The following SH3RF3 variants were observed in gnomAD, a reference collection of about 807,000 sequenced individuals.
The protein encoded by SH3RF3 is SH3 domain containing ring finger 3, also known as E3 ubiquitin-protein ligase SH3RF3.
SH3RF3 carries 29 observed loss-of-function variants against 66.3 expected under a neutral mutation model. The ratio of observed to expected loss-of-function variants is 0.44; its 90% confidence interval spans 0.33 to 0.60. The LOEUF is 0.60. SH3RF3 is among the 20% of genes least tolerant of loss of function. SH3RF3 has a pLI of 0.04. For missense variants in SH3RF3, 1,194 were observed against 1,190.9 expected, an observed-to-expected ratio of 1.00 and a Z score of -0.04; for synonymous variants, 583 against 532.0, an observed-to-expected ratio of 1.10 and a Z score of -1.32.
chr2:109,388,084 C>T (rs1006540347), intron 3 of SH3RF3, among the ~76,000 whole-genome samples: 1 of 152,090 alleles, frequency 6.6e-6, no homozygotes, highest in Non-Finnish European at 1.5e-5. Context: ...GACCCCTGTG[C>T]ACACACATGC....
intron 3 of SH3RF3, among the ~76,000 whole-genome samples, chr2:109,395,878 AT>A (rs1162752942): frequency 6.6e-6 from 1 of 152,158 alleles, no homozygotes; most frequent in Non-Finnish European, 1.5e-5. Flanking sequence ...GGATTTCCTG[AT>A]TTTGAAAACA....
At chr2:109,497,874 A>C (rs1017089462) in intron 9 of SH3RF3, among the ~76,000 whole-genome samples, 1 of 152,256 alleles carries the variant, frequency 6.6e-6, no homozygotes, top group Non-Finnish European at 1.5e-5. Context: ...TTGCATTCAA[A>C]GTCTGAGAAA....
chr2:109,423,884 C>T (rs925253419), intron 5 of SH3RF3, among the ~76,000 whole-genome samples: 15 of 152,218 alleles, frequency 9.9e-5, no homozygotes, highest in African/African-American at 2.4e-4. Flanking sequence ...GAGGGCACAG[C>T]TGGGACCCCA....
At chr2:109,367,459 T>A (rs1683173606) in intron 2 of SH3RF3, among the ~76,000 whole-genome samples, 1 of 151,988 alleles carries the variant, frequency 6.6e-6, no homozygotes, top group African/African-American at 2.4e-5. Flanking sequence ...TTGTTGTATT[T>A]TTAATAGAAA....
chr2:109,318,151 A>C (rs1419901461), intron 1 of SH3RF3, among the ~76,000 whole-genome samples: 1 of 151,718 alleles, frequency 6.6e-6, no homozygotes, highest in East Asian at 1.9e-4. Flanking sequence ...GGACATTGAG[A>C]GACTAGAAAT....
At chr2:109,381,224 A>G (rs2104379498) in intron 3 of SH3RF3, among the ~76,000 whole-genome samples, 1 of 152,354 alleles carries the variant, frequency 6.6e-6, no homozygotes, top group African/African-American at 2.4e-5. Context: ...GCCCTGGAGC[A>G]GGCTGCTGGA....
chr2:109,316,337 G>A (rs966460143), intron 1 of SH3RF3, among the ~76,000 whole-genome samples: 4 of 152,170 alleles, frequency 2.6e-5, no homozygotes, highest in African/African-American at 4.8e-5. Context: ...GTTGCCAGGT[G>A]ATGGTGGCTG....
intron 1 of SH3RF3, among the ~76,000 whole-genome samples, chr2:109,221,837 C>T (rs1384699418): frequency 6.6e-6 from 1 of 152,002 alleles, no homozygotes; most frequent in Non-Finnish European, 1.5e-5. Context: ...TCATATGATC[C>T]AACAATCCCA....
At chr2:109,297,785 C>T (rs73955512) in intron 1 of SH3RF3, among the ~76,000 whole-genome samples, 1,591 of 152,052 alleles carry the variant, frequency 0.01, 32 homozygotes, top group African/African-American at 0.036. Context: ...GTCATTGCCC[C>T]CAACTAGGTC....
At chr2:109,469,605 G>A (rs1678449719) in intron 8 of SH3RF3, among the ~76,000 whole-genome samples, 1 of 152,160 alleles carries the variant, frequency 6.6e-6, no homozygotes, top group Admixed American at 6.6e-5. Context: ...GGCAATGGGA[G>A]CTGGGCCCCA....
intron 8 of SH3RF3, among the ~76,000 whole-genome samples, chr2:109,466,072 C>CTTTTTTTTTTTTT (rs1171998206): frequency 1.2e-5 from 1 of 82,336 alleles, no homozygotes; most frequent in Non-Finnish European, 2.2e-5. Flanking sequence ...ACCTGTACAT[C>CTTTTTTTTTTTTT]TTTTTTTTTT....
chr2:109,316,898 C>T (rs1366302421), intron 1 of SH3RF3, among the ~76,000 whole-genome samples: 1 of 152,220 alleles, frequency 6.6e-6, no homozygotes, highest in Admixed American at 6.5e-5. Flanking sequence ...TGGAAGTATA[C>T]AGTGCGTAGC....
intron 1 of SH3RF3, among the ~76,000 whole-genome samples, chr2:109,329,808 C>T (rs1682244335): frequency 6.6e-6 from 1 of 152,234 alleles, no homozygotes; most frequent in Non-Finnish European, 1.5e-5. Flanking sequence ...AGCCCACCTT[C>T]AACCCAGCTT....
At position 109,129,339 on chromosome 2, in the gene SH3RF3, CCACGCAGGCCGG is replaced by C; in HGVS notation, c.-201_-190del. The stretch of plus-strand genomic sequence containing the variant: ...GGCGGGCTCGGCTGGCCGGTCCCCG[CCACGCAGGCCGG>C]TCCCCGCCACGCAGGCCGGTCGGTG... On this transcript the variant is annotated 5_prime_UTR_variant, in exon 1 of 10. Coordinates refer to ENST00000309415, the MANE Select transcript of SH3RF3 (RefSeq NM_001099289.3). 4.8e-3 allele frequency: 8 copies of C among 1,680 alleles called. No homozygotes were observed. In the Non-Finnish European group the frequency reaches 0.053, roughly 11 times the overall value. 0.1% of individuals were successfully genotyped at this position (1,680 alleles called of 1,614,324 possible).
At chr2:109,462,762 A>T (rs994339900) in intron 8 of SH3RF3, among the ~76,000 whole-genome samples, 7 of 152,190 alleles carry the variant, frequency 4.6e-5, no homozygotes, top group African/African-American at 1.7e-4. Context: ...AGAACTGGAG[A>T]AAACCCACAG....
chr2:109,192,640 T>C (rs990708767), intron 1 of SH3RF3, among the ~76,000 whole-genome samples: 2 of 152,150 alleles, frequency 1.3e-5, no homozygotes, highest in African/African-American at 4.8e-5. Flanking sequence ...ATACAGAAGG[T>C]AATGCAAATA....
chr2:109,131,955 G>A (rs1676706939), intron 1 of SH3RF3, among the ~76,000 whole-genome samples: 1 of 152,170 alleles, frequency 6.6e-6, no homozygotes, highest in African/African-American at 2.4e-5. Context: ...AATAGCATTA[G>A]GTCCAGCACA....
intron 5 of SH3RF3, among the ~76,000 whole-genome samples, chr2:109,430,052 G>A (rs534848047): frequency 3.3e-5 from 5 of 152,298 alleles, no homozygotes; most frequent in East Asian, 1.9e-4. Context: ...AGAGGAGTCC[G>A]TGAGCTGTGG....
rs538849657 is a variant in SH3RF3, at chr2:109,318,304, C to A, written c.574-29370C>A. Among the ~76,000 whole-genome samples the A allele has an allele frequency of 3.9e-5, 6 of 152,170 alleles. No individual in the cohort carries two copies. The South Asian group carries it at 1.2e-3, about 32-fold the overall frequency. ...ATTTCCATGCGACTGCTCCTCCTAGCGTGACTGGCTGGTGCCTCCCGGCCC... is the reference window on the plus strand; with the variant it reads ...ATTTCCATGCGACTGCTCCTCCTAGAGTGACTGGCTGGTGCCTCCCGGCCC... On this transcript the variant is annotated intron_variant, in intron 1 of 9. Transcript: ENST00000309415.
Sources: gnomAD v4.1 joint callset for allele counts (sites outside exome capture counted in the v4.1 genomes callset) on GRCh38, gnomAD v4.1.1 for gene constraint, MANE v1.5 for transcripts, NCBI Gene and HGNC (gene_info 2026-07-23, HGNC 2026-07-21) for gene names.